DNAH9: variants seen among roughly 807,000 people sequenced by gnomAD.
DNAH9 encodes the protein DNAH9 variant protein.
DNAH9 carries 345 observed loss-of-function variants against 471.6 expected under a neutral mutation model. The ratio of observed to expected loss-of-function variants is 0.73; its 90% CI spans 0.67 to 0.80. The LOEUF (loss-of-function observed/expected upper bound fraction) is 0.80. Among genes scored for constraint, DNAH9 ranks in the 30% least tolerant of loss-of-function variants. DNAH9 has a pLI of 0.00. For missense variants in DNAH9, 5,407 were observed against 5,609.2 expected (o/e 0.96, Z 1.15); for synonymous variants, 2,093 against 2,123.6 (o/e 0.99, Z 0.40).
At position 11,610,540 on chromosome 17, in the gene DNAH9, GTT is replaced by G. The variant is rs747190555; in HGVS notation, c.760_761del (p.Phe254LeufsTer6). 5.6e-6 allele frequency: 9 copies of G among 1,612,532 alleles called. No homozygotes were observed. The East Asian group carries it at 2.0e-4, about 36-fold the overall frequency. ...ENPTPKVELE[F>X]WKSRYEDLKY... The stretch of plus-strand genomic sequence containing the variant: ...ATCCCACCCCTAAGGTGGAGTTGGA[GTT>G]CTGGAAGAGCAGGTAGGCAAGAAGG... On this transcript the variant is annotated frameshift_variant, in exon 3 of 69. Transcript: ENST00000262442. LOFTEE classifies it high-confidence loss of function.
At chr17:11,889,753 T>C (rs766018746) in intron 57 of DNAH9, among the ~76,000 whole-genome samples, 1 of 152,230 alleles carries the variant, frequency 6.6e-6, no homozygotes, top group Non-Finnish European at 1.5e-5. Flanking sequence ...CTATATGTGC[T>C]CATAACCTGG....
Position 11,762,766 on chromosome 17 carries a change from T to TGTTTGTTTGTTTG in DNAH9, c.6996-674_6996-673insGTTTGTTTGTTTG, listed in dbSNP as rs1555584612. Among the ~76,000 whole-genome samples the TGTTTGTTTGTTTG allele has an allele frequency of 4.8e-4, 42 of 87,234 alleles. 1 individual carries two copies. The highest frequency in any genetic ancestry group is 8.1e-4 in the Non-Finnish European group (32 of 39,286). 57.2% of individuals were successfully genotyped at this position (87,234 alleles called of 152,430 possible). ...ATTGCCTCTTTAGGTGCGTTTTTTT[T>TGTTTGTTTGTTTG]TTTGTTTTTTTTTTTTTTTTTTTTT... On this transcript the variant is annotated intron_variant, in intron 35 of 68. Coordinates refer to ENST00000262442, the MANE Select transcript of DNAH9 (RefSeq NM_001372.4).
intron 52 of DNAH9, among the ~76,000 whole-genome samples, chr17:11,874,360 T>G (rs1448074030): frequency 2.0e-5 from 3 of 151,916 alleles, no homozygotes; most frequent in East Asian, 1.9e-4. Flanking sequence ...AGGCAAGTTC[T>G]CAGACTGATA....
intron 65 of DNAH9, among the ~76,000 whole-genome samples, chr17:11,936,994 G>A (rs1405780403): frequency 1.3e-5 from 2 of 152,136 alleles, no homozygotes; most frequent in Non-Finnish European, 2.9e-5. Flanking sequence ...CACTAGGGAG[G>A]GATTCGTATT....
chr17:11,910,344 A>G (rs775796892), intron 61 of DNAH9, among the ~76,000 whole-genome samples: 10 of 152,176 alleles, frequency 6.6e-5, no homozygotes, highest in Non-Finnish European at 1.2e-4. Context: ...TTCATTTGGC[A>G]TAATATTTTC....
At chr17:11,916,643 T>C (rs1434504843) in intron 61 of DNAH9, among the ~76,000 whole-genome samples, 3 of 152,254 alleles carry the variant, frequency 2.0e-5, no homozygotes, top group African/African-American at 7.2e-5. Context: ...GCAGAGTCTG[T>C]GTATCACACA....
rs899188625 is a variant in DNAH9, at chr17:11,623,127, C to G, written c.1350+3346C>G. ...TAGCTGGGATTACAGGCATGTGCCA[C>G]CATGCCTGGTTAATTTTTGTATTTT... On this transcript the variant is annotated intron_variant, in intron 6 of 68. Transcript: ENST00000262442. The surrounding 1 kb of genome is among the most constrained non-coding windows in gnomAD (Gnocchi z 4.1). 1.3e-5 allele frequency among the ~76,000 whole-genome samples: 2 copies of G among 151,996 alleles called. No individual in the cohort carries two copies. The highest frequency in any genetic ancestry group is 2.9e-5 in the Non-Finnish European group (2 of 68,010).
intron 67 of DNAH9, among the ~76,000 whole-genome samples, chr17:11,948,251 A>T (rs1555528683): frequency 3.1e-5 from 3 of 96,368 alleles, no homozygotes; most frequent in African/African-American, 1.0e-4. Flanking sequence ...TTTTTTTGAG[A>T]CGGAGTCTCA....
chr17:11,969,404 T>C lies in DNAH9; in HGVS notation c.13338T>C (p.Tyr4446=), dbSNP rs773596251. 7 of 1,613,966 alleles carry C rather than the reference T, an allele frequency of 4.3e-6. No individual in the cohort carries two copies. Among genetic ancestry groups the C allele is most frequent in the African/African-American group, 1.3e-5 (1 of 74,896 alleles). Residue 4446 remains tyrosine, a synonymous_variant, in exon 69 of 69, where the codon TAT becomes TAC. Coordinates refer to ENST00000262442, the MANE Select transcript of DNAH9 (RefSeq NM_001372.4). ...ATAAGCAGGACTGCCGCAGTGTCTATTCCTGTCCTGTGTACAAGACTAGTC... is the reference window on the plus strand; with the variant it reads ...ATAAGCAGGACTGCCGCAGTGTCTACTCCTGTCCTGTGTACAAGACTAGTC... ...PADKQDCRSV[Y]SCPVYKTSQR...
chr17:11,652,379 G>A (rs993849776), intron 13 of DNAH9, among the ~76,000 whole-genome samples: 45 of 129,722 alleles, frequency 3.5e-4, no homozygotes, highest in African/African-American at 1.2e-3. Flanking sequence ...TCTGCCTCCC[G>A]GGTTCACGCC....
At chr17:11,831,254 A>T (rs759966068) in intron 48 of DNAH9, among the ~76,000 whole-genome samples, 14 of 152,166 alleles carry the variant, frequency 9.2e-5, no homozygotes, top group South Asian at 2.1e-4. Flanking sequence ...TCTGCATCTG[A>T]TGAAGGCCTC....
At chr17:11,853,365 G>C (rs1361488010) in intron 49 of DNAH9, 2 of 152,696 alleles carry the variant, frequency 1.3e-5, no homozygotes, top group African/African-American at 4.8e-5. Flanking sequence ...AAGGTGGCAA[G>C]TTCTGGAAGG....
At chr17:11,907,985 T>C (rs1355207601) in intron 61 of DNAH9, among the ~76,000 whole-genome samples, 1 of 152,224 alleles carries the variant, frequency 6.6e-6, no homozygotes, top group East Asian at 1.9e-4. Flanking sequence ...TAGCGTGCAC[T>C]GTGTTCTGTC....
intron 27 of DNAH9, among the ~76,000 whole-genome samples, chr17:11,719,979 A>G (rs979883433): frequency 2.0e-5 from 3 of 152,180 alleles, no homozygotes; most frequent in African/African-American, 7.2e-5. Context: ...CTGCAAGGGC[A>G]GGCGTGATTT....
chr17:11,762,789 T>TTTTTTTTTTTTTTTTTTTTTG (rs1567783499), intron 35 of DNAH9, among the ~76,000 whole-genome samples: 2 of 135,362 alleles, frequency 1.5e-5, no homozygotes, highest in Non-Finnish European at 3.2e-5. Flanking sequence ...TTTTTTTTTT[T>TTTTTTTTTTTTTTTTTTTTTG]TTTTTTTTGA....
chr17:11,969,662 T>G lies in DNAH9; in HGVS notation c.*135T>G. 4.0e-6 allele frequency: 3 copies of G among 756,680 alleles called. No homozygotes were observed. Among genetic ancestry groups the G allele is most frequent in the South Asian group, 1.9e-5 (1 of 52,442 alleles). The allele number at this position is 756,680 out of a possible 1,614,324, so 46.9% of individuals were successfully genotyped here. A position where few individuals can be genotyped will look rare whatever the true frequency, so the allele number is the denominator to read the frequency against. On this transcript the variant is annotated 3_prime_UTR_variant, in exon 69 of 69. Transcript: ENST00000262442. ...CACTCACAATTCTGTAGAATTCCTC[T>G]AGGGAACTTGGAGAGGTGTGCCTAA...
chr17:11,679,944 C>A lies in DNAH9; in HGVS notation c.3541C>A (p.Gln1181Lys), dbSNP rs756557028. ...QTIELLKTYEQELPETVFKQL... is the reference protein window; with the variant it reads ...QTIELLKTYEKELPETVFKQL... Reference sequence around the variant, plus strand: ...TATTGAATTGCTGAAGACCTATGAACAAGAATTGCCAGAAACAGTGTTTAA... The same window carrying A: ...TATTGAATTGCTGAAGACCTATGAAAAAGAATTGCCAGAAACAGTGTTTAA... Residue 1181 changes from glutamine to lysine, a missense_variant, in exon 18 of 69, where the codon CAA (glutamine) becomes AAA (lysine). Physicochemically the swap from Gln to Lys is moderately conservative, Grantham distance 53. Transcript: ENST00000262442. The A allele has an allele frequency of 3.7e-6, 6 of 1,613,878 alleles. No individual in the cohort carries two copies. Among genetic ancestry groups the A allele is most frequent in the Non-Finnish European group, 5.1e-6 (6 of 1,179,952 alleles).
intron 36 of DNAH9, among the ~76,000 whole-genome samples, chr17:11,767,559 C>G (rs1275164411): frequency 6.6e-6 from 1 of 152,148 alleles, no homozygotes; most frequent in African/African-American, 2.4e-5. Flanking sequence ...TGTCATTGTC[C>G]TGCCCTCCAT....
At chr17:11,649,740 A>G (rs1222774328) in intron 12 of DNAH9, among the ~76,000 whole-genome samples, 1 of 152,170 alleles carries the variant, frequency 6.6e-6, no homozygotes, top group East Asian at 1.9e-4. Flanking sequence ...ATTTGCATGT[A>G]TTTGATTACT....
Sources: gnomAD v4.1 joint callset for allele counts (sites outside exome capture counted in the v4.1 genomes callset) on GRCh38, gnomAD v4.1.1 for gene constraint, Gnocchi (gnomAD v3.1) non-coding constraint, MANE v1.5 for transcripts, NCBI Gene and HGNC (gene_info 2026-07-23, HGNC 2026-07-21) for gene names.